Variants in AFAP1 observed in about 807,000 individuals in gnomAD.
AFAP1 encodes actin filament-associated protein 1.
In AFAP1, 75 loss-of-function variants were observed where a neutral mutation model predicts 93.9. The ratio of observed to expected loss-of-function variants is 0.80; its 90% CI spans 0.66 to 0.97. The LOEUF (loss-of-function observed/expected upper bound fraction) is 0.97, where lower values mean the gene tolerates loss of function less well. AFAP1 is among the 50% of genes least tolerant of loss of function. AFAP1 has a pLI of 0.00. For synonymous variants in AFAP1, 517 were observed against 430.7 expected (o/e 1.20, Z -2.48); for missense variants, 1,201 against 1,050.8 (o/e 1.14, Z -1.98).
In AFAP1 at chr4:7,835,005, C is replaced by A. The variant is rs376120646; in HGVS notation, c.726+3519G>T. ...CTTGAATGGACTGCGGGCTGCCTTACAGTTACCTGGGTGGCTCCTGAATGG... is the reference window on the plus strand; with the variant it reads ...CTTGAATGGACTGCGGGCTGCCTTAAAGTTACCTGGGTGGCTCCTGAATGG... On this transcript the variant is annotated intron_variant, in intron 6 of 17. Transcript: ENST00000420658. 9.1e-3 allele frequency among the ~76,000 whole-genome samples: 800 copies of A among 88,112 alleles called. 6 individuals carry two copies. The highest frequency in any genetic ancestry group is 0.089 in the East Asian group (108 of 1,214). 57.8% of individuals were successfully genotyped at this position (88,112 alleles called of 152,430 possible).
In AFAP1 at chr4:7,852,811, T is replaced by C. The variant is rs530450445; in HGVS notation, c.334+2655A>G. On this transcript the variant is annotated intron_variant, in intron 4 of 17. Coordinates refer to ENST00000420658, the MANE Select transcript of AFAP1 (RefSeq NM_001134647.2). ...TGTGTACACAGAAACGAATTCTTCT[T>C]CCCCCTCTCCCAGGCCCCCACCATC... Among the ~76,000 whole-genome samples, 30 of 152,188 alleles carry C rather than the reference T, an allele frequency of 2.0e-4. 1 individual carries two copies. The South Asian group carries it at 5.4e-3, about 27-fold the overall frequency.
intron 17 of AFAP1, among the ~76,000 whole-genome samples, chr4:7,765,845 C>T (rs1303554099): frequency 1.3e-5 from 2 of 152,178 alleles, no homozygotes; most frequent in African/African-American, 4.8e-5. Context: ...CCAAGGACTT[C>T]AAAGAGCAAT....
chr4:7,892,841 G>A (rs1032477651), intron 1 of AFAP1, among the ~76,000 whole-genome samples: 2 of 152,096 alleles, frequency 1.3e-5, no homozygotes, highest in African/African-American at 2.4e-5. Flanking sequence ...GGGATGTGGT[G>A]GGGGAGCAGC....
At position 7,793,854 on chromosome 4, in the gene AFAP1, G is replaced by A. The variant is rs141682039; in HGVS notation, c.1267-28C>T. ...GTTGAAGTGGGAAAAAAGGTAGGCT[G>A]TATTTAACTAAAGATTTTTACATTT... On this transcript the variant is annotated intron_variant, in intron 10 of 17. Coordinates refer to ENST00000420658, the MANE Select transcript of AFAP1 (RefSeq NM_001134647.2). 9.4e-4 allele frequency: 1,400 copies of A among 1,486,484 alleles called. 14 individuals are homozygous for A. The African/African-American group carries it at 0.017, about 18-fold the overall frequency. 92.1% of individuals were successfully genotyped at this position (1,486,484 alleles called of 1,614,324 possible).
intron 9 of AFAP1, among the ~76,000 whole-genome samples, chr4:7,803,818 G>A (rs1321199817): frequency 1.3e-5 from 2 of 152,196 alleles, no homozygotes; most frequent in East Asian, 1.9e-4. Flanking sequence ...ATTTTATTTA[G>A]AACATGATTT....
intron 1 of AFAP1, among the ~76,000 whole-genome samples, chr4:7,891,614 T>C (rs1718475901): frequency 6.6e-6 from 1 of 152,010 alleles, no homozygotes; most frequent in Admixed American, 6.6e-5. Flanking sequence ...TCTAATGAAT[T>C]GTATTCTCTT....
chr4:7,801,319 A>G (rs888078251), intron 9 of AFAP1, among the ~76,000 whole-genome samples: 7 of 152,150 alleles, frequency 4.6e-5, no homozygotes, highest in African/African-American at 1.4e-4. Context: ...TCTAAACTCT[A>G]AAGTCTGAAT....
chr4:7,904,290 G>A lies in AFAP1; in HGVS notation c.-2-32210C>T, dbSNP rs187427912. On this transcript the variant is annotated intron_variant, in intron 1 of 17. Coordinates refer to ENST00000420658, the MANE Select transcript of AFAP1 (RefSeq NM_001134647.2). ...AGCGTTTAAAGAAACAAGCGGAAAC[G>A]GCTCTCCACACATGACAGACAGGTC... Among the ~76,000 whole-genome samples, 345 of 152,002 alleles carry A rather than the reference G, an allele frequency of 2.3e-3. 2 individuals carry two copies. The highest frequency in any genetic ancestry group is 3.6e-3 in the Non-Finnish European group (248 of 67,998).
intron 1 of AFAP1, among the ~76,000 whole-genome samples, chr4:7,889,055 A>G (rs34869495): frequency 0.11 from 17,365 of 151,938 alleles, 1,141 homozygotes; most frequent in Non-Finnish European, 0.16. Flanking sequence ...GCCTCCCAAC[A>G]TGCTGGGATT....
chr4:7,849,685 G>C (rs1351206099), intron 4 of AFAP1, among the ~76,000 whole-genome samples: 1 of 152,180 alleles, frequency 6.6e-6, no homozygotes, highest in South Asian at 2.1e-4. Context: ...GACTCACAAA[G>C]GGCTTTCCCC....
Position 7,882,296 on chromosome 4 carries a change from G to A in AFAP1, c.-2-10216C>T, listed in dbSNP as rs1717896809. 2.6e-5 allele frequency among the ~76,000 whole-genome samples: 4 copies of A among 151,704 alleles called. 1 individual carries two copies. In the South Asian group the frequency reaches 8.3e-4, roughly 32 times the overall value. On this transcript the variant is annotated intron_variant, in intron 1 of 17. Transcript: ENST00000420658. ...AAAAACAAAAAACAAAAAAACACCA[G>A]ACCCAGGTAGTTTTACAGGGGAATT...
Position 7,767,140 on chromosome 4 carries a change from T to C in AFAP1, c.2418+1704A>G, listed in dbSNP as rs187149167. The stretch of plus-strand genomic sequence containing the variant: ...CCTGCTCAGTCCGTCCCCTTCTGAT[T>C]TCTGCACAAGATTCTCAGCTGGAGG... On this transcript the variant is annotated intron_variant, in intron 17 of 17. Coordinates refer to ENST00000420658, the MANE Select transcript of AFAP1 (RefSeq NM_001134647.2). 2.2e-3 allele frequency among the ~76,000 whole-genome samples: 330 copies of C among 152,286 alleles called. 2 individuals are homozygous for C. The highest frequency in any genetic ancestry group is 5.9e-3 in the African/African-American group (247 of 41,560).
At chr4:7,774,964 C>T (rs1465050586) in intron 14 of AFAP1, 61 bp from the exon 15 acceptor site, 11 of 1,568,656 alleles carry the variant, frequency 7.0e-6, no homozygotes, top group South Asian at 4.7e-5. Context: ...AAATATGGGA[C>T]GATCCCTTCT....
At chr4:7,914,408 T>C (rs2149229216) in intron 1 of AFAP1, among the ~76,000 whole-genome samples, 1 of 152,330 alleles carries the variant, frequency 6.6e-6, no homozygotes, top group East Asian at 1.9e-4. Context: ...GTGTTTAACT[T>C]TCTGTCCCTG....
chr4:7,815,965 G>C (rs1720430587), intron 8 of AFAP1, 53 bp downstream of exon 8: 1 of 1,485,938 alleles, frequency 6.7e-7, no homozygotes, highest in Non-Finnish European at 9.1e-7. Context: ...GTAGATTTTT[G>C]TTTTTGTTTT....
At chr4:7,800,361 G>A in intron 10 of AFAP1, 81 bp downstream of exon 10, 2 of 1,434,330 alleles carry the variant, frequency 1.4e-6, no homozygotes, top group Non-Finnish European at 1.9e-6. Context: ...AATTTTGATA[G>A]AGGAGTCAGC....
intron 15 of AFAP1, 190 bp from the exon 16 acceptor site, chr4:7,773,200 C>G: frequency 5.6e-6 from 5 of 899,068 alleles, no homozygotes; most frequent in South Asian, 1.9e-5. Context: ...TACCATTTCC[C>G]TTTGCTGCAG....
At chr4:7,902,066 G>A (rs150870546) in intron 1 of AFAP1, among the ~76,000 whole-genome samples, 16 of 152,228 alleles carry the variant, frequency 1.1e-4, no homozygotes, top group Admixed American at 9.8e-4. Context: ...CTCTGCTTTC[G>A]AACTGCGGGT....
intron 1 of AFAP1, among the ~76,000 whole-genome samples, chr4:7,928,150 G>A (rs1382080438): frequency 2.0e-5 from 3 of 152,026 alleles, no homozygotes; most frequent in Admixed American, 6.6e-5. Context: ...TTCTTCAACC[G>A]GTGCCTTTGG....
Sources: allele counts gnomAD v4.1 joint callset (sites outside exome capture counted in the v4.1 genomes callset), GRCh38; gene constraint gnomAD v4.1.1; transcripts MANE v1.5; gene names NCBI Gene and HGNC (gene_info 2026-07-23, HGNC 2026-07-21).